Variants in RAPGEF4 observed in about 807,000 individuals in gnomAD.
RAPGEF4 encodes the protein Rap guanine nucleotide exchange factor 4, also known as RAP guanine-nucleotide-exchange factor (GEF) 4.
Under a neutral mutation model 147.9 loss-of-function variants are expected in RAPGEF4, and 66 were observed. That is an observed-to-expected ratio of 0.45 (90% confidence interval 0.37 to 0.55). The LOEUF is 0.55. Among genes scored for constraint, RAPGEF4 ranks in the 20% least tolerant of loss-of-function variants. RAPGEF4 has a pLI of 0.00. For missense variants in RAPGEF4, 1,071 were observed against 1,257.3 expected (o/e 0.85, Z 2.24); for synonymous variants, 419 against 442.7 (o/e 0.95, Z 0.67).
intron 6 of RAPGEF4, among the ~76,000 whole-genome samples, chr2:172,925,172 G>A (rs1240560707): frequency 6.6e-6 from 1 of 152,118 alleles, no homozygotes; most frequent in East Asian, 1.9e-4. Context: ...GTAGAGACAG[G>A]GTTTCATGAT....
At chr2:172,935,956 T>G (rs1219153458) in intron 6 of RAPGEF4, among the ~76,000 whole-genome samples, 1 of 152,230 alleles carries the variant, frequency 6.6e-6, no homozygotes, top group Non-Finnish European at 1.5e-5. Context: ...TTATACTTTG[T>G]GCCTAAAAGG....
At chr2:173,036,508 C>A in intron 28 of RAPGEF4, 120 bp from the exon 29 acceptor site, 1 of 787,366 alleles carries the variant, frequency 1.3e-6, no homozygotes, top group Non-Finnish European at 2.1e-6. Flanking sequence ...GAACTATTAA[C>A]AGCTTTTTTC....
chr2:173,037,719 CG>C (rs1684229764), intron 29 of RAPGEF4, among the ~76,000 whole-genome samples: 1 of 151,956 alleles, frequency 6.6e-6, no homozygotes, highest in African/African-American at 2.4e-5. Flanking sequence ...TGAGAAAAGC[CG>C]GGGACCTGGA....
chr2:172,812,089 T>G (rs1688079996), intron 3 of RAPGEF4, among the ~76,000 whole-genome samples: 1 of 152,258 alleles, frequency 6.6e-6, no homozygotes, highest in African/African-American at 2.4e-5. Flanking sequence ...GCTGAAAGTT[T>G]GAACTTGCAA....
chr2:172,945,787 A>G (rs1446999949), intron 6 of RAPGEF4, among the ~76,000 whole-genome samples: 1 of 152,164 alleles, frequency 6.6e-6, no homozygotes, highest in African/African-American at 2.4e-5. Context: ...TATTTCTTCC[A>G]CATTAATATG....
intron 17 of RAPGEF4, among the ~76,000 whole-genome samples, chr2:173,004,276 C>T (rs1694231542): frequency 6.6e-6 from 1 of 152,152 alleles, no homozygotes; most frequent in African/African-American, 2.4e-5. Context: ...ACAGTTTGGA[C>T]ATGATTTGAC....
intron 12 of RAPGEF4, 92 bp from the exon 13 acceptor site, chr2:172,988,104 T>C: frequency 7.0e-7 from 1 of 1,434,140 alleles, no homozygotes; most frequent in Non-Finnish European, 9.1e-7. Flanking sequence ...ATGCATATTT[T>C]CTGGGGACTT....
chr2:172,863,023 G>A lies in RAPGEF4; in HGVS notation c.444+48598G>A, dbSNP rs1694207636. Reference sequence around the variant, plus strand: ...TATGACCTGAGACAGGATGGTGCCTGTGGGAATGAGGGGGAAAAGATGAAT... The same window carrying A: ...TATGACCTGAGACAGGATGGTGCCTATGGGAATGAGGGGGAAAAGATGAAT... On this transcript the variant is annotated intron_variant, in intron 4 of 30. Coordinates refer to ENST00000397081, the MANE Select transcript of RAPGEF4 (RefSeq NM_007023.4). Among the ~76,000 whole-genome samples, 3 of 152,270 alleles carry A rather than the reference G, an allele frequency of 2.0e-5. No individual in the cohort carries two copies. In the South Asian group the frequency reaches 6.2e-4, roughly 32 times the overall value.
At position 172,880,262 on chromosome 2, in the gene RAPGEF4, A is replaced by T. The variant is rs945114101; in HGVS notation, c.445-37540A>T. 3.3e-5 allele frequency among the ~76,000 whole-genome samples: 5 copies of T among 152,246 alleles called. No individual in the cohort carries two copies. The East Asian group carries it at 5.8e-4, about 18-fold the overall frequency. ...GGGGAGCTCAGGAAGCCTAGGGCTC[A>T]CAGCTATCATTAGATTCAATAGAGC... On this transcript the variant is annotated intron_variant, in intron 4 of 30. Coordinates refer to ENST00000397081, the MANE Select transcript of RAPGEF4 (RefSeq NM_007023.4).
intron 1 of RAPGEF4, among the ~76,000 whole-genome samples, chr2:172,773,650 C>CACACTGCCCCCG (rs1388798300): frequency 6.6e-6 from 1 of 151,864 alleles, no homozygotes; most frequent in South Asian, 2.1e-4. Context: ...CACTGCCCCC[C>CACACTGCCCCCG]CCGCGGACCA....
At chr2:172,808,058 T>C (rs1049466683) in intron 3 of RAPGEF4, among the ~76,000 whole-genome samples, 12 of 152,246 alleles carry the variant, frequency 7.9e-5, no homozygotes, top group African/African-American at 2.9e-4. Flanking sequence ...ATAACTTGTG[T>C]AAGTTGGATT....
At position 173,023,272 on chromosome 2, in the gene RAPGEF4, C is replaced by T. The variant is rs561716908; in HGVS notation, c.2253+2557C>T. 5.3e-5 allele frequency among the ~76,000 whole-genome samples: 8 copies of T among 152,354 alleles called. No homozygotes were observed. In the East Asian group the frequency reaches 1.5e-3, roughly 29 times the overall value. ...AACAATGCTACTCTCCCAATTACCCCTCTCCAGCCTTAGCAAAGAAATCAT... is the reference window on the plus strand; with the variant it reads ...AACAATGCTACTCTCCCAATTACCCTTCTCCAGCCTTAGCAAAGAAATCAT... On this transcript the variant is annotated intron_variant, in intron 23 of 30. Coordinates refer to ENST00000397081, the MANE Select transcript of RAPGEF4 (RefSeq NM_007023.4).
At chr2:172,840,590 A>G (rs1372322013) in intron 4 of RAPGEF4, among the ~76,000 whole-genome samples, 1 of 152,232 alleles carries the variant, frequency 6.6e-6, no homozygotes, top group Non-Finnish European at 1.5e-5. Flanking sequence ...CGACTGCATG[A>G]AAAGTTCATC....
chr2:172,736,126 CTGGGCGCAGCG>C, intron 1 of RAPGEF4, 78 bp downstream of exon 1: 1 of 1,171,606 alleles, frequency 8.5e-7, no homozygotes, highest in South Asian at 2.6e-5. Context: ...AGCTCCGCAC[CTGGGCGCAGCG>C]CGGCCGGGCT....
chr2:172,906,237 G>C (rs1699615174), intron 4 of RAPGEF4, among the ~76,000 whole-genome samples: 1 of 152,190 alleles, frequency 6.6e-6, no homozygotes, highest in South Asian at 2.1e-4. Context: ...TGTCATGACA[G>C]TTTATGATCT....
intron 4 of RAPGEF4, among the ~76,000 whole-genome samples, chr2:172,862,779 G>T (rs1485727603): frequency 6.6e-6 from 1 of 152,188 alleles, no homozygotes; most frequent in Non-Finnish European, 1.5e-5. Context: ...GGGAGAGGAA[G>T]TTTCCTCCTT....
intron 4 of RAPGEF4, among the ~76,000 whole-genome samples, chr2:172,862,011 A>T (rs1362523661): frequency 6.6e-6 from 1 of 152,244 alleles, no homozygotes; most frequent in Non-Finnish European, 1.5e-5. Flanking sequence ...TGTTGTCAAC[A>T]GCGGCAATGG....
intron 21 of RAPGEF4, among the ~76,000 whole-genome samples, 178 bp from the exon 22 acceptor site, chr2:173,018,478 A>G (rs1354909577): frequency 6.6e-6 from 1 of 152,202 alleles, no homozygotes; most frequent in Non-Finnish European, 1.5e-5. Flanking sequence ...TCTTAGACCA[A>G]TGCTAAGGTA....
chr2:172,978,772 A>G (rs1209839072), intron 10 of RAPGEF4, among the ~76,000 whole-genome samples: 1 of 152,134 alleles, frequency 6.6e-6, no homozygotes, highest in Non-Finnish European at 1.5e-5. Flanking sequence ...TCTGCTCTCT[A>G]TTATCCAGGA....
Sources: allele counts gnomAD v4.1 joint callset (sites outside exome capture counted in the v4.1 genomes callset), GRCh38; gene constraint gnomAD v4.1.1; transcripts MANE v1.5; gene names NCBI Gene and HGNC (gene_info 2026-07-23, HGNC 2026-07-21).